The following ARMH4 variants were observed in gnomAD, a reference collection of about 807,000 sequenced individuals.
ARMH4 encodes armadillo like helical domain containing 4, also known as armadillo-like helical domain-containing protein 4.
ARMH4 carries 49 observed loss-of-function variants against 61.9 expected under a neutral mutation model. That is an observed-to-expected ratio of 0.79 (90% CI 0.63 to 1.00). The LOEUF (loss-of-function observed/expected upper bound fraction) is 1.00. Among genes scored for constraint, ARMH4 ranks in the 50% least tolerant of loss-of-function variants. ARMH4 has a pLI of 0.00. For missense variants in ARMH4, 934 were observed against 930.0 expected, an observed-to-expected ratio of 1.00 and a Z score of -0.06; for synonymous variants, 368 against 341.5, an observed-to-expected ratio of 1.08 and a Z score of -0.85.
At chr14:58,043,301 G>C (rs202171394) in intron 5 of ARMH4, among the ~76,000 whole-genome samples, 1 of 151,192 alleles carries the variant, frequency 6.6e-6, no homozygotes, top group East Asian at 2.0e-4. Context: ...TGGTTCAACA[G>C]ATGCAAATCA....
intron 4 of ARMH4, among the ~76,000 whole-genome samples, chr14:58,108,857 G>A (rs1272252876): frequency 6.6e-6 from 1 of 152,228 alleles, no homozygotes; most frequent in Non-Finnish European, 1.5e-5. Context: ...CTTTGGCACT[G>A]TCAAACATTT....
At chr14:58,066,831 C>T (rs770216412) in intron 5 of ARMH4, among the ~76,000 whole-genome samples, 3 of 152,136 alleles carry the variant, frequency 2.0e-5, no homozygotes, top group Admixed American at 6.5e-5. Flanking sequence ...AAGACTTACC[C>T]ATGATTTTAG....
At chr14:58,134,236 C>G (rs1030407370) in intron 2 of ARMH4, among the ~76,000 whole-genome samples, 2 of 152,158 alleles carry the variant, frequency 1.3e-5, no homozygotes, top group Admixed American at 1.3e-4. Flanking sequence ...ACTAACTATG[C>G]CCAAGGAACA....
At chr14:58,120,027 G>A (rs976637267) in intron 4 of ARMH4, among the ~76,000 whole-genome samples, 42 of 152,150 alleles carry the variant, frequency 2.8e-4, no homozygotes, top group African/African-American at 8.7e-4. Context: ...GTCATTAGGC[G>A]ATTTCGTCAT....
intron 3 of ARMH4, 38 bp downstream of exon 3, chr14:58,133,052 C>T: frequency 6.2e-7 from 1 of 1,607,568 alleles, no homozygotes; most frequent in South Asian, 1.1e-5. Flanking sequence ...AGAAGAGATC[C>T]ACCCCCAAAA....
intron 4 of ARMH4, among the ~76,000 whole-genome samples, chr14:58,126,528 T>C (rs1004974805): frequency 1.3e-4 from 20 of 152,218 alleles, no homozygotes; most frequent in Non-Finnish European, 1.3e-4. Flanking sequence ...TGCACACATG[T>C]GCACACATGA....
chr14:58,140,426 C>G (rs1887497941), intron 1 of ARMH4, among the ~76,000 whole-genome samples: 1 of 151,040 alleles, frequency 6.6e-6, no homozygotes, highest in African/African-American at 2.4e-5. Context: ...GATAAAAATA[C>G]AAAAATTAGC....
intron 5 of ARMH4, among the ~76,000 whole-genome samples, chr14:58,072,207 G>A (rs186858409): frequency 3.7e-4 from 56 of 152,326 alleles, no homozygotes; most frequent in Non-Finnish European, 6.0e-4. Flanking sequence ...AGGCACATAG[G>A]AAGTATTCGT....
intron 4 of ARMH4, among the ~76,000 whole-genome samples, chr14:58,112,816 C>T (rs775033913): frequency 6.6e-6 from 1 of 152,136 alleles, no homozygotes; most frequent in Non-Finnish European, 1.5e-5. Context: ...GTTTCCAGTT[C>T]CACCATTGCT....
At chr14:58,084,398 C>T (rs1162583796) in intron 5 of ARMH4, among the ~76,000 whole-genome samples, 1 of 152,106 alleles carries the variant, frequency 6.6e-6, no homozygotes, top group Non-Finnish European at 1.5e-5. Flanking sequence ...CTATTTCCCC[C>T]GTGGCAGGAC....
At chr14:58,135,624 T>A (rs901031892) in intron 2 of ARMH4, among the ~76,000 whole-genome samples, 1 of 152,088 alleles carries the variant, frequency 6.6e-6, no homozygotes, top group African/African-American at 2.4e-5. Context: ...TCATTCTTCC[T>A]ACTTCATGTA....
chr14:58,027,412 A>G (rs769249004), intron 5 of ARMH4, among the ~76,000 whole-genome samples: 28 of 152,282 alleles, frequency 1.8e-4, no homozygotes, highest in Non-Finnish European at 2.9e-4. Flanking sequence ...TCATTTTCTA[A>G]TTTAGAACAT....
chr14:58,107,351 G>C (rs1194977941), intron 4 of ARMH4, among the ~76,000 whole-genome samples: 1 of 152,166 alleles, frequency 6.6e-6, no homozygotes, highest in Non-Finnish European at 1.5e-5. Context: ...TGCCTTTTTG[G>C]AATAGCAATG....
intron 1 of ARMH4, 140 bp from the exon 2 acceptor site, chr14:58,139,554 C>A: frequency 1.7e-6 from 1 of 604,618 alleles, no homozygotes; most frequent in South Asian, 2.2e-5. Flanking sequence ...TGTTCTATTT[C>A]TTTGTACCTT....
At chr14:58,083,183 C>T (rs1885281797) in intron 5 of ARMH4, among the ~76,000 whole-genome samples, 1 of 152,224 alleles carries the variant, frequency 6.6e-6, no homozygotes, top group Non-Finnish European at 1.5e-5. Flanking sequence ...CAGACAGATA[C>T]ATTCCCACCT....
chr14:58,063,966 G>A (rs1609699), intron 5 of ARMH4, among the ~76,000 whole-genome samples: 45,235 of 152,140 alleles, frequency 0.3, 7,504 homozygotes, highest in Non-Finnish European at 0.38. Flanking sequence ...GAAGTAGCTT[G>A]GAAACAGCCA....
At chr14:58,102,150 C>A (rs1440754415) in intron 4 of ARMH4, among the ~76,000 whole-genome samples, 1 of 152,126 alleles carries the variant, frequency 6.6e-6, no homozygotes, top group East Asian at 1.9e-4. Context: ...AGAGAAGGCA[C>A]TGGAAGGCCT....
At chr14:58,013,828 A>T (rs1350162579) in intron 5 of ARMH4, among the ~76,000 whole-genome samples, 1 of 152,268 alleles carries the variant, frequency 6.6e-6, no homozygotes, top group African/African-American at 2.4e-5. Flanking sequence ...GTTCAAGACC[A>T]GCCTGGCCAA....
chr14:58,143,205 C>T (rs1173195029), intron 1 of ARMH4, among the ~76,000 whole-genome samples: 1 of 152,156 alleles, frequency 6.6e-6, no homozygotes, highest in Admixed American at 6.5e-5. Context: ...CTTGAGTCCA[C>T]AATGCTGCAG....
Sources: allele counts gnomAD v4.1 joint callset (sites outside exome capture counted in the v4.1 genomes callset), GRCh38; gene constraint gnomAD v4.1.1; transcripts MANE v1.5; gene names NCBI Gene and HGNC (gene_info 2026-07-23, HGNC 2026-07-21).